REV1: variants seen among roughly 807,000 people sequenced by gnomAD.
REV1 encodes the protein REV1 DNA directed polymerase, also known as translesion synthesis protein REV1.
REV1 carries 42 observed loss-of-function variants against 137.4 expected under a neutral mutation model. The ratio of observed to expected loss-of-function variants is 0.31; its 90% confidence interval spans 0.24 to 0.40. The LOEUF (loss-of-function observed/expected upper bound fraction) is 0.40. REV1 is among the 10% of genes least tolerant of loss of function. The probability of loss-of-function intolerance (pLI) is 1.00; values close to 1 mark genes in which losing one functional copy is unlikely to be tolerated. For missense variants in REV1, 1,282 were observed against 1,490.1 expected (o/e 0.86, Z 2.30); for synonymous variants, 524 against 519.2 (o/e 1.01, Z -0.12).
At chr2:99,437,370 G>C (rs987274300) in intron 6 of REV1, among the ~76,000 whole-genome samples, 6 of 152,104 alleles carry the variant, frequency 3.9e-5, no homozygotes, top group African/African-American at 1.4e-4. Flanking sequence ...CTAAGACTCG[G>C]AGAGGTGAAC....
At chr2:99,431,679 G>A (rs979088149) in intron 8 of REV1, 4 of 961,528 alleles carry the variant, frequency 4.2e-6, no homozygotes, top group Non-Finnish European at 4.9e-6. Flanking sequence ...TGGTCCATGC[G>A]CCCCCAGTGC....
upstream of REV1, chr2:99,490,037 T>A (rs891360464): frequency 3.6e-5 from 5 of 137,804 alleles, no homozygotes; most frequent in Admixed American, 7.1e-5. Context: ...CCCCCTCCGG[T>A]TAGCGCGCGC....
intron 1 of REV1, among the ~76,000 whole-genome samples, chr2:99,470,808 G>C (rs894630834): frequency 2.0e-5 from 3 of 152,132 alleles, no homozygotes; most frequent in Non-Finnish European, 4.4e-5. Flanking sequence ...TAAATGACCC[G>C]GTCTCCTTTG....
chr2:99,428,807 G>A (rs1274489134), intron 9 of REV1, among the ~76,000 whole-genome samples: 1 of 151,954 alleles, frequency 6.6e-6, no homozygotes, highest in Non-Finnish European at 1.5e-5. Flanking sequence ...GGCTAACACG[G>A]TGAAATCCTG....
At chr2:99,432,620 A>G (rs1207515369) in intron 8 of REV1, among the ~76,000 whole-genome samples, 1 of 152,240 alleles carries the variant, frequency 6.6e-6, no homozygotes, top group Non-Finnish European at 1.5e-5. Context: ...AAGTTAAAGT[A>G]AGAGTATAAA....
chr2:99,441,916 TTCTG>T (rs1030997933), intron 5 of REV1, among the ~76,000 whole-genome samples: 5 of 152,192 alleles, frequency 3.3e-5, no homozygotes, highest in Non-Finnish European at 7.3e-5. Context: ...TTGTATCTGC[TTCTG>T]TCTGACTGTA....
At chr2:99,412,298 A>T in intron 13 of REV1, among the ~76,000 whole-genome samples, 1 of 151,364 alleles carries the variant, frequency 6.6e-6, no homozygotes, top group African/African-American at 2.4e-5. Context: ...CCAAATCCAT[A>T]ATCTGAAGGA....
At chr2:99,477,623 GACAA>G (rs1484832579) in intron 1 of REV1, among the ~76,000 whole-genome samples, 2 of 152,122 alleles carry the variant, frequency 1.3e-5, no homozygotes, top group African/African-American at 2.4e-5. Context: ...ATTAAAAATA[GACAA>G]ACAATAAGAT....
At chr2:99,416,426 A>AT (rs1257607827) in intron 12 of REV1, among the ~76,000 whole-genome samples, 1 of 152,188 alleles carries the variant, frequency 6.6e-6, no homozygotes, top group Admixed American at 6.5e-5. Context: ...GAAGGGAGAT[A>AT]TTTTATAGAC....
chr2:99,434,803 A>AT (rs1201122178), intron 7 of REV1, among the ~76,000 whole-genome samples: 1 of 151,274 alleles, frequency 6.6e-6, no homozygotes, highest in Non-Finnish European at 1.5e-5. Flanking sequence ...GAAAAACTAA[A>AT]TTTTTTTTTG....
At chr2:99,459,768 G>C (rs1359367136) in intron 3 of REV1, among the ~76,000 whole-genome samples, 1 of 152,048 alleles carries the variant, frequency 6.6e-6, no homozygotes, top group East Asian at 1.9e-4. Context: ...ATCTTAACAA[G>C]CAAAAAACAT....
chr2:99,468,835 T>C (rs750925641), intron 1 of REV1, among the ~76,000 whole-genome samples: 2 of 152,220 alleles, frequency 1.3e-5, no homozygotes, highest in African/African-American at 2.4e-5. Context: ...ACTGTTATAG[T>C]AATCTACTCT....
chr2:99,460,872 T>C (rs13400661), intron 3 of REV1, among the ~76,000 whole-genome samples: 53 of 152,298 alleles, frequency 3.5e-4, no homozygotes, highest in African/African-American at 1.2e-3. Flanking sequence ...AAAGCAGATT[T>C]AGAATTCCAG....
chr2:99,486,758 A>G (rs1687182345), intron 1 of REV1, among the ~76,000 whole-genome samples: 1 of 152,114 alleles, frequency 6.6e-6, no homozygotes, highest in Admixed American at 6.6e-5. Flanking sequence ...CAACTATACT[A>G]TTCATTTACT....
intron 4 of REV1, 38 bp from the exon 5 acceptor site, chr2:99,442,507 T>A: frequency 1.3e-6 from 2 of 1,592,420 alleles, no homozygotes; most frequent in Non-Finnish European, 1.7e-6. Flanking sequence ...AGTTCCATAC[T>A]TGGTGACAAT....
At chr2:99,407,592 T>C (rs1676517914) in intron 15 of REV1, among the ~76,000 whole-genome samples, 1 of 152,010 alleles carries the variant, frequency 6.6e-6, no homozygotes, top group African/African-American at 2.4e-5. Context: ...GTTTTGACAT[T>C]TTGATGCCTC....
At chr2:99,441,305 A>G (rs1681461882) in intron 5 of REV1, among the ~76,000 whole-genome samples, 1 of 152,022 alleles carries the variant, frequency 6.6e-6, no homozygotes, top group African/African-American at 2.4e-5. Context: ...GATTAATTAG[A>G]CTCCTGGTGT....
chr2:99,410,601 A>G lies in REV1; in HGVS notation c.2345+94T>C. The stretch of plus-strand genomic sequence containing the variant: ...CAGATTAACGGGTTTACAGGTCTTT[A>G]TTCAAACTCCTCCTTGGTTTTCTTC... On this transcript the variant is annotated intron_variant, in intron 14 of 22. Coordinates refer to ENST00000258428, the MANE Select transcript of REV1 (RefSeq NM_016316.4). 3 of 1,140,736 alleles carry G rather than the reference A, an allele frequency of 2.6e-6. No individual in the cohort carries two copies. In the South Asian group the frequency reaches 4.7e-5, roughly 18 times the overall value. The allele number at this position is 1,140,736 out of a possible 1,614,324, so 70.7% of individuals were successfully genotyped here.
intron 3 of REV1, among the ~76,000 whole-genome samples, chr2:99,451,137 A>C (rs376416235): frequency 6.6e-5 from 10 of 152,336 alleles, no homozygotes; most frequent in African/African-American, 2.4e-4. Context: ...AGAAGTATCA[A>C]ATTAAAGGCT....
Sources: allele counts gnomAD v4.1 joint callset (sites outside exome capture counted in the v4.1 genomes callset), GRCh38; gene constraint gnomAD v4.1.1; transcripts MANE v1.5; gene names NCBI Gene and HGNC (gene_info 2026-07-23, HGNC 2026-07-21).